Variants in TMLHE observed in about 807,000 individuals in gnomAD.
The protein encoded by TMLHE is trimethyllysine dioxygenase, mitochondrial.
Under a neutral mutation model 25.7 loss-of-function variants are expected in TMLHE, and 18 were observed. The observed-to-expected ratio is 0.70, with a 90% CI of 0.48 to 1.04. The LOEUF is 1.04. Ranked by LOEUF, TMLHE falls within the 50% of genes least tolerant of loss-of-function variation. The probability of loss-of-function intolerance (pLI) is 0.00; values close to 1 mark genes in which losing one functional copy is unlikely to be tolerated. For synonymous variants in TMLHE, 105 were observed against 97.0 expected (o/e 1.08, Z -0.49); for missense variants, 236 against 259.0 (o/e 0.91, Z 0.61).
At chrX:155,582,767 T>C (rs1472425837) in intron 1 of TMLHE, among the ~76,000 whole-genome samples, 1 of 112,137 alleles carries the variant, frequency 8.9e-6, no homozygotes, top group Non-Finnish European at 1.9e-5. Flanking sequence ...AGTGTGGCGA[T>C]TCCTCAAGGA....
At chrX:155,557,060 C>T (rs1569562144) in intron 1 of TMLHE, among the ~76,000 whole-genome samples, 1 of 111,872 alleles carries the variant, frequency 8.9e-6, no homozygotes, top group African/African-American at 3.2e-5. Context: ...TTTCAGGGTG[C>T]CCACATTTCA....
At chrX:155,596,500 G>C (rs782307) in intron 1 of TMLHE, among the ~76,000 whole-genome samples, 60,765 of 109,821 alleles carry the variant, frequency 0.55, 14,324 homozygotes, top group Middle Eastern at 0.79. Context: ...TCTATAGAAA[G>C]AATTGTCAAT....
In TMLHE at chrX:155,545,221, C is replaced by T. The variant is rs1313646181; in HGVS notation, c.56G>A (p.Gly19Glu). The stretch of plus-strand genomic sequence containing the variant: ...TGGAAGGGCCGGATATATGACTCCT[C>T]CCTTCAGCAAGTCCTGAAGCCTGCT... Reference protein sequence around the residue: ...LHSRLQDLLKGGVIYPALPQP... With the variant: ...LHSRLQDLLKEGVIYPALPQP... Residue 19 changes from glycine to glutamate, a missense_variant, in exon 2 of 8, where the codon GGA becomes GAA. Physicochemically the swap from Gly to Glu is moderately conservative, Grantham distance 98. This residue lies in a region of TMLHE where 217 missense variants were observed against 214.6 expected (regional missense o/e 1.01). Coordinates refer to ENST00000334398, the MANE Select transcript of TMLHE (RefSeq NM_018196.4). 1 of 1,207,647 alleles carries T rather than the reference C, an allele frequency of 8.3e-7. No homozygotes were observed. The highest frequency in any genetic ancestry group is 1.8e-5 in the African/African-American group (1 of 57,098).
intron 1 of TMLHE, among the ~76,000 whole-genome samples, chrX:155,556,949 G>T (rs2067461043): frequency 8.9e-6 from 1 of 112,157 alleles, no homozygotes; most frequent in Admixed American, 9.4e-5. Flanking sequence ...ATTTGCTTTT[G>T]AAAGAAGAGA....
chrX:155,605,797 C>T (rs1019809902), intron 1 of TMLHE, among the ~76,000 whole-genome samples: 21 of 111,562 alleles, frequency 1.9e-4, no homozygotes, highest in South Asian at 1.1e-3. Flanking sequence ...AGGTATCCAA[C>T]GGCAAATTGG....
intron 5 of TMLHE, among the ~76,000 whole-genome samples, 160 bp downstream of exon 5, chrX:155,511,513 A>G (rs781786249): frequency 1.8e-5 from 2 of 110,766 alleles, no homozygotes; most frequent in South Asian, 7.7e-4. Context: ...AAACTGAGTT[A>G]AGGTATTTCA....
Position 155,584,162 on chromosome X carries a change from A to T in TMLHE, c.-2+28630T>A, listed in dbSNP as rs1053690959. Among the ~76,000 whole-genome samples, 8 of 110,626 alleles carry T rather than the reference A, an allele frequency of 7.2e-5. 1 individual carries two copies. Among genetic ancestry groups the T allele is most frequent in the Middle Eastern group, 9.4e-3 (2 of 212 alleles). On this transcript the variant is annotated intron_variant, in intron 1 of 7. Transcript: ENST00000334398. ...AAATTTTTCAAATAGATATTTTTTT[A>T]AAAAAGAACCCAACAAAAATTCTGA...
chrX:155,533,125 G>T (rs1557337250), intron 2 of TMLHE, among the ~76,000 whole-genome samples: 1 of 111,293 alleles, frequency 9.0e-6, no homozygotes, highest in African/African-American at 3.3e-5. Context: ...CTGCCTGCTT[G>T]AACTGGGATA....
At chrX:155,612,427 G>GT (rs1557348432) in intron 1 of TMLHE, 1 of 112,113 alleles carries the variant, frequency 8.9e-6, no homozygotes, top group Non-Finnish European at 1.9e-5. Context: ...CACCAAGTCA[G>GT]TGACAGATCC....
chrX:155,596,394 G>A lies in TMLHE; in HGVS notation c.-2+16398C>T, dbSNP rs782324942. Among the ~76,000 whole-genome samples, 11 of 111,502 alleles carry A rather than the reference G, an allele frequency of 9.9e-5. No homozygotes were observed. The South Asian group carries it at 3.1e-3, about 31-fold the overall frequency. ...CCCCCATGAGTTCAACACCAAAGGCGTTTAAGGGGTCTACTTGCCTCCAAA... is the reference window on the plus strand; with the variant it reads ...CCCCCATGAGTTCAACACCAAAGGCATTTAAGGGGTCTACTTGCCTCCAAA... On this transcript the variant is annotated intron_variant, in intron 1 of 7. Coordinates refer to ENST00000334398, the MANE Select transcript of TMLHE (RefSeq NM_018196.4).
intron 1 of TMLHE, among the ~76,000 whole-genome samples, chrX:155,607,342 A>C (rs1557347939): frequency 8.9e-6 from 1 of 112,202 alleles, no homozygotes; most frequent in African/African-American, 3.2e-5. Context: ...ATTTCAATAG[A>C]TGCAGAAAAG....
chrX:155,535,100 T>C (rs1296795617), intron 2 of TMLHE, among the ~76,000 whole-genome samples: 12 of 111,765 alleles, frequency 1.1e-4, no homozygotes, highest in African/African-American at 3.3e-4. Context: ...TTTTGTAGCC[T>C]CCAGAACTGT....
At chrX:155,582,563 A>G (rs1391450845) in intron 1 of TMLHE, among the ~76,000 whole-genome samples, 3 of 112,493 alleles carry the variant, frequency 2.7e-5, no homozygotes, top group Non-Finnish European at 5.6e-5. Flanking sequence ...CAACAGACAC[A>G]TGAAAAAATG....
intron 1 of TMLHE, among the ~76,000 whole-genome samples, chrX:155,581,532 GACAA>G (rs1157535996): frequency 1.8e-5 from 2 of 110,863 alleles, no homozygotes; most frequent in Non-Finnish European, 3.8e-5. Context: ...ACCAATTACA[GACAA>G]ACAGAGAGCC....
At chrX:155,567,757 G>A (rs1391313127) in intron 1 of TMLHE, among the ~76,000 whole-genome samples, 2 of 61,898 alleles carry the variant, frequency 3.2e-5, no homozygotes, top group African/African-American at 7.2e-5. Context: ...TAAATGTACA[G>A]TGGAAGACCG....
chrX:155,567,976 C>G (rs1325492994), intron 1 of TMLHE, among the ~76,000 whole-genome samples: 1 of 61,558 alleles, frequency 1.6e-5, no homozygotes, highest in African/African-American at 3.6e-5. Flanking sequence ...GAGTGCCAGA[C>G]AGTGGGCGCA....
At chrX:155,549,334 G>A (rs781865528) in intron 1 of TMLHE, among the ~76,000 whole-genome samples, 38 of 110,515 alleles carry the variant, frequency 3.4e-4, no homozygotes, top group South Asian at 7.5e-4. Context: ...GATTAAGTAT[G>A]TTGTTAGCCA....
At chrX:155,538,298 AG>A (rs1483262718) in intron 2 of TMLHE, among the ~76,000 whole-genome samples, 2 of 111,951 alleles carry the variant, frequency 1.8e-5, no homozygotes, top group Admixed American at 9.5e-5. Flanking sequence ...TGCAAATGAC[AG>A]GATCTGACTC....
chrX:155,555,811 T>G (rs1250716660), intron 1 of TMLHE, among the ~76,000 whole-genome samples: 2 of 110,443 alleles, frequency 1.8e-5, no homozygotes, highest in South Asian at 3.7e-4. Context: ...TTTCTCCCAT[T>G]CTGTAGGTTG....
Sources: gnomAD v4.1 joint callset for allele counts (sites outside exome capture counted in the v4.1 genomes callset) on GRCh38, gnomAD v4.1.1 for gene constraint, gnomAD v4.1.1 regional missense constraint, MANE v1.5 for transcripts, NCBI Gene and HGNC (gene_info 2026-07-23, HGNC 2026-07-21) for gene names.